Variants in ACTR10 observed in about 807,000 individuals in gnomAD.
The protein encoded by ACTR10 is actin-related protein 10.
A neutral mutation model predicts 56.2 loss-of-function variants in ACTR10; 43 were observed. That is an observed-to-expected ratio of 0.77 (90% CI 0.60 to 0.99). ACTR10 has a LOEUF of 0.99. Ranked by LOEUF, ACTR10 falls within the 50% of genes least tolerant of loss-of-function variation. The pLI, the probability that ACTR10 is intolerant of heterozygous loss-of-function variation, is 0.00. For synonymous variants in ACTR10, 170 were observed against 176.3 expected (o/e 0.96, Z 0.28); for missense variants, 466 against 507.8 (o/e 0.92, Z 0.79).
intron 10 of ACTR10, among the ~76,000 whole-genome samples, chr14:58,227,650 G>T (rs1408199029): frequency 6.6e-6 from 1 of 152,186 alleles, no homozygotes; most frequent in Non-Finnish European, 1.5e-5. Flanking sequence ...AGTGGCAAGG[G>T]CCTGACCAGC....
rs779037396 is a variant in ACTR10, at chr14:58,234,517, C to T, written c.1220C>T (p.Pro407Leu). 1.9e-6 allele frequency: 3 copies of T among 1,613,490 alleles called. No homozygotes were observed. The highest frequency in any genetic ancestry group is 2.2e-5 in the East Asian group (1 of 44,858). Residue 407 changes from proline to leucine, a missense_variant, in exon 13 of 13, where the codon CCT (proline) becomes CTT (leucine). Transcript: ENST00000254286. ...MMFDVGKTQP[P>L]LMKRAFSTEK is the part of the protein sequence containing the mutation. ...TTTGATGTCGGGAAAACTCAACCAC[C>T]TCTGATGAAGAGAGCATTTTCCACT...
rs1301646006 is a variant in ACTR10 at position 58,235,276 on chromosome 14, A to AT, written c.*725_*726insT. ...TACTAACATGGGTCCATTTAAAAAAAATATTTATTTTGGTACTTGGGTGTC... is the reference window on the plus strand; with the variant it reads ...TACTAACATGGGTCCATTTAAAAAAATATATTTATTTTGGTACTTGGGTGTC... On this transcript the variant is annotated 3_prime_UTR_variant, in exon 13 of 13. Coordinates refer to ENST00000254286, the MANE Select transcript of ACTR10 (RefSeq NM_018477.3). The AT allele has an allele frequency of 2.0e-5, 3 of 152,216 alleles. No homozygotes were observed. Among genetic ancestry groups the AT allele is most frequent in the African/African-American group, 7.2e-5 (3 of 41,460 alleles). The allele number at this position is 152,216 out of a possible 1,614,324, so 9.4% of individuals were successfully genotyped here.
At chr14:58,211,860 A>T (rs2140048549) in intron 5 of ACTR10, among the ~76,000 whole-genome samples, 1 of 152,130 alleles carries the variant, frequency 6.6e-6, no homozygotes, top group East Asian at 1.9e-4. Flanking sequence ...GAGTGGCGTG[A>T]ACCCGGGAGG....
chr14:58,205,259 T>G (rs1033941668), intron 2 of ACTR10, among the ~76,000 whole-genome samples: 1 of 150,338 alleles, frequency 6.7e-6, no homozygotes, highest in African/African-American at 2.4e-5. Flanking sequence ...AAACATGTTA[T>G]AGCAGAATAG....
intron 12 of ACTR10, among the ~76,000 whole-genome samples, chr14:58,233,523 TG>T (rs1267575946): frequency 1.3e-5 from 2 of 152,184 alleles, no homozygotes; most frequent in South Asian, 2.1e-4. Context: ...ATACAGATAC[TG>T]GGCTGTTTAT....
At chr14:58,211,952 A>G (rs1322724823) in intron 5 of ACTR10, among the ~76,000 whole-genome samples, 2 of 150,326 alleles carry the variant, frequency 1.3e-5, no homozygotes, top group East Asian at 1.9e-4. Flanking sequence ...AAAAAAAAAA[A>G]GAATACGTTT....
Position 58,230,364 on chromosome 14 carries a change from ACCAACAG to A in ACTR10, c.789-34_789-28del. 5 of 1,279,698 alleles carry A rather than the reference ACCAACAG, an allele frequency of 3.9e-6. No homozygotes were observed. In the South Asian group the frequency reaches 6.8e-5, roughly 17 times the overall value. The allele number at this position is 1,279,698 out of a possible 1,614,324, so 79.3% of individuals were successfully genotyped here. On this transcript the variant is annotated intron_variant, in intron 10 of 12. Transcript: ENST00000254286. ...TCTGTGTAATATTATAATACGTGAC[ACCAACAG>A]AAAGCTCTCTTTTTCAAATCCCATT...
intron 10 of ACTR10, among the ~76,000 whole-genome samples, chr14:58,228,362 A>G (rs969469206): frequency 6.6e-6 from 1 of 152,200 alleles, no homozygotes; most frequent in East Asian, 1.9e-4. Context: ...TCTTGCCTAT[A>G]ATCCCAACAC....
chr14:58,231,107 G>A (rs1172992325), intron 11 of ACTR10: 1 of 350,558 alleles, frequency 2.9e-6, no homozygotes, highest in Non-Finnish European at 6.0e-6. Flanking sequence ...AGGCTGGAGT[G>A]CAATGGCATG....
chr14:58,219,581 T>C (rs1889217317), intron 7 of ACTR10, 113 bp from the exon 8 acceptor site: 2 of 580,874 alleles, frequency 3.4e-6, no homozygotes, highest in Non-Finnish European at 5.7e-6. Context: ...AAAATTATAG[T>C]AGTTGTATTT....
intron 8 of ACTR10, among the ~76,000 whole-genome samples, chr14:58,221,290 A>AT (rs1406326308): frequency 4.0e-5 from 6 of 148,808 alleles, no homozygotes; most frequent in African/African-American, 1.5e-4. Flanking sequence ...TAAAAAAAAA[A>AT]AAAAAAAAAA....
chr14:58,211,952 AG>A (rs1343161677), intron 5 of ACTR10, among the ~76,000 whole-genome samples: 1 of 150,326 alleles, frequency 6.7e-6, no homozygotes, highest in African/African-American at 2.5e-5. Context: ...AAAAAAAAAA[AG>A]AATACGTTTT....
intron 10 of ACTR10, among the ~76,000 whole-genome samples, chr14:58,228,688 T>A (rs1237633196): frequency 2.5e-5 from 2 of 80,456 alleles, no homozygotes; most frequent in African/African-American, 6.5e-5. Flanking sequence ...AGACTTTTTT[T>A]TTTTTTTTTT....
Position 58,210,202 on chromosome 14 carries a change from G to A in ACTR10, c.343-1090G>A, listed in dbSNP as rs1227647418. ...ATTATTTTGTCTGCCATTCGATTAT[G>A]ATGGACTGTCATATTTTGATTGAAT... On this transcript the variant is annotated intron_variant, in intron 4 of 12. Coordinates refer to ENST00000254286, the MANE Select transcript of ACTR10 (RefSeq NM_018477.3). 2.0e-5 allele frequency among the ~76,000 whole-genome samples: 3 copies of A among 152,114 alleles called. No individual in the cohort carries two copies. In the South Asian group the frequency reaches 6.2e-4, roughly 32 times the overall value.
intron 2 of ACTR10, among the ~76,000 whole-genome samples, chr14:58,204,756 A>G (rs943838543): frequency 6.6e-6 from 1 of 152,074 alleles, no homozygotes; most frequent in Middle Eastern, 3.2e-3. Context: ...TTATGAATAG[A>G]TCTGAAAGCA....
At position 58,223,815 on chromosome 14, in the gene ACTR10, A is replaced by T. The variant is rs548098183; in HGVS notation, c.747A>T (p.Pro249=). Residue 249 remains proline, a synonymous_variant, in exon 10 of 13, where the codon CCA becomes CCT. Transcript: ENST00000254286. The stretch of plus-strand genomic sequence containing the variant: ...CCCCACCCCCAAATGTTGACTATCC[A>T]TTAGATGGAGAGAAGATTTTACATA... The part of the protein sequence containing the change: ...RPSPPPNVDY[P]LDGEKILHIL... The T allele has an allele frequency of 3.1e-6, 5 of 1,613,256 alleles. No homozygotes were observed. In the African/African-American group the frequency reaches 6.7e-5, roughly 22 times the overall value.
At chr14:58,216,031 T>A (rs1467642707) in intron 7 of ACTR10, among the ~76,000 whole-genome samples, 1 of 151,950 alleles carries the variant, frequency 6.6e-6, no homozygotes, top group Admixed American at 6.6e-5. Flanking sequence ...AAAGACATTG[T>A]TTTAATCTAG....
chr14:58,223,900 A>G, intron 10 of ACTR10, 44 bp downstream of exon 10: 1 of 1,489,362 alleles, frequency 6.7e-7, no homozygotes, highest in Non-Finnish European at 9.2e-7. Context: ...ACTAAAATAA[A>G]CTTTTGGCTT....
intron 11 of ACTR10, among the ~76,000 whole-genome samples, chr14:58,230,716 C>T (rs1367960292): frequency 2.0e-5 from 3 of 151,340 alleles, no homozygotes; most frequent in African/African-American, 4.9e-5. Context: ...TGAGAAATGG[C>T]ATCTACAACA....
Sources: allele counts gnomAD v4.1 joint callset (sites outside exome capture counted in the v4.1 genomes callset), GRCh38; gene constraint gnomAD v4.1.1; transcripts MANE v1.5; gene names NCBI Gene and HGNC (gene_info 2026-07-23, HGNC 2026-07-21).